PPP1R3A: variants seen among roughly 807,000 people sequenced by gnomAD.
PPP1R3A encodes protein phosphatase 1 regulatory subunit 3A, also known as RG1.
Under a neutral mutation model 41.7 loss-of-function variants are expected in PPP1R3A, and 29 were observed. The observed-to-expected ratio is 0.70, with a 90% confidence interval of 0.52 to 0.95. PPP1R3A has a LOEUF of 0.95. Among genes scored for constraint, PPP1R3A ranks in the 40% least tolerant of loss-of-function variants. The pLI is 0.00. For synonymous variants in PPP1R3A, 485 were observed against 453.4 expected, an observed-to-expected ratio of 1.07 and a Z score of -0.89; for missense variants, 1,352 against 1,292.4, an observed-to-expected ratio of 1.05 and a Z score of -0.71.
Position 113,878,556 on chromosome 7 carries a change from C to T in PPP1R3A, c.2536G>A (p.Glu846Lys), listed in dbSNP as rs750417326. ...TCTGTAATGACCCATGAGGATTCTT[C>T]CACAGATGTTATATTTCCAGTGCCA... ...KCGTGNITSV[E>K]ESSWVITEYQ... Residue 846 changes from glutamate to lysine, a missense_variant, in exon 4 of 4, where the codon GAA becomes AAA. Coordinates refer to ENST00000284601, the MANE Select transcript of PPP1R3A (RefSeq NM_002711.4). The T allele has an allele frequency of 6.2e-7, 1 of 1,613,596 alleles. No homozygotes were observed. The highest frequency in any genetic ancestry group is 1.1e-5 in the South Asian group (1 of 91,076).
At chr7:113,899,418 CT>C (rs1391998209) in intron 1 of PPP1R3A, among the ~76,000 whole-genome samples, 1 of 151,772 alleles carries the variant, frequency 6.6e-6, no homozygotes, top group Non-Finnish European at 1.5e-5. Context: ...AGCAAAGTAT[CT>C]TTAATAAATA....
intron 1 of PPP1R3A, among the ~76,000 whole-genome samples, chr7:113,903,035 AT>A: frequency 1.3e-5 from 2 of 151,658 alleles, no homozygotes; most frequent in Middle Eastern, 6.8e-3. Flanking sequence ...ATATTTGTAT[AT>A]TTTTTTCTTT....
Position 113,878,647 on chromosome 7 carries a change from A to G in PPP1R3A, c.2445T>C (p.Asp815=), listed in dbSNP as rs773944306. ...ACATGGTTTCTTCCTTCTCCATTTCATCTACACGTACATTACAAATACCTA... is the reference window on the plus strand; with the variant it reads ...ACATGGTTTCTTCCTTCTCCATTTCGTCTACACGTACATTACAAATACCTA... The part of the protein sequence containing the change: ...SRLGICNVRV[D]EMEKEETMSM... The change falls in exon 4 of 4, where the codon GAT becomes GAC. Residue 815 remains aspartate, a synonymous_variant. Coordinates refer to ENST00000284601, the MANE Select transcript of PPP1R3A (RefSeq NM_002711.4). 1.2e-5 allele frequency: 19 copies of G among 1,613,248 alleles called. No individual in the cohort carries two copies. In the East Asian group the frequency reaches 2.9e-4, roughly 25 times the overall value.
chr7:113,905,659 T>C (rs1797133877), intron 1 of PPP1R3A, among the ~76,000 whole-genome samples: 1 of 151,838 alleles, frequency 6.6e-6, no homozygotes, highest in African/African-American at 2.4e-5. Context: ...TGCATTACTC[T>C]CACTGGTTCT....
chr7:113,896,685 A>C (rs907480845), intron 1 of PPP1R3A, among the ~76,000 whole-genome samples: 1 of 151,854 alleles, frequency 6.6e-6, no homozygotes, highest in African/African-American at 2.4e-5. Context: ...CAGATAAAAG[A>C]ATGCAATTAA....
At chr7:113,915,359 T>G (rs892414373) in intron 1 of PPP1R3A, among the ~76,000 whole-genome samples, 2 of 151,978 alleles carry the variant, frequency 1.3e-5, no homozygotes, top group Non-Finnish European at 2.9e-5. Context: ...TTATTGACAC[T>G]TTCAGAAGAT....
intron 1 of PPP1R3A, among the ~76,000 whole-genome samples, chr7:113,908,217 G>C (rs1321658288): frequency 2.0e-5 from 3 of 151,820 alleles, no homozygotes; most frequent in African/African-American, 7.2e-5. Context: ...AGATATTACC[G>C]ATATAGAAAA....
intron 1 of PPP1R3A, among the ~76,000 whole-genome samples, chr7:113,898,745 T>G (rs1797015647): frequency 6.6e-6 from 1 of 151,792 alleles, no homozygotes; most frequent in Admixed American, 6.6e-5. Context: ...CTAGCCATAC[T>G]TAAAGTGCCT....
intron 1 of PPP1R3A, among the ~76,000 whole-genome samples, chr7:113,888,628 G>T (rs1796828543): frequency 6.6e-6 from 1 of 152,168 alleles, no homozygotes; most frequent in Non-Finnish European, 1.5e-5. Flanking sequence ...TGTTTTATGT[G>T]CTGGGTGACT....
intron 1 of PPP1R3A, among the ~76,000 whole-genome samples, chr7:113,896,453 A>G (rs780427284): frequency 2.6e-5 from 4 of 151,878 alleles, no homozygotes; most frequent in Non-Finnish European, 2.9e-5. Context: ...CGTTTTGACT[A>G]AACCAGTCGA....
At chr7:113,894,262 G>C (rs548486926) in intron 1 of PPP1R3A, among the ~76,000 whole-genome samples, 1 of 152,054 alleles carries the variant, frequency 6.6e-6, no homozygotes, top group Non-Finnish European at 1.5e-5. Flanking sequence ...AGCTGAAGAA[G>C]ACTTACAGAT....
At chr7:113,895,115 T>C (rs994476234) in intron 1 of PPP1R3A, among the ~76,000 whole-genome samples, 1 of 151,894 alleles carries the variant, frequency 6.6e-6, no homozygotes, top group African/African-American at 2.4e-5. Context: ...AGATGGGATG[T>C]TTTCATGTGG....
Position 113,879,585 on chromosome 7 carries a change from C to G in PPP1R3A, c.1507G>C (p.Glu503Gln), listed in dbSNP as rs779452701. ...TAATAATCTTCCTTAGAAGATCCTT[C>G]TTCTGTTGATTCTTTGAGACATGCC... Reference protein sequence around the residue: ...TSACLKESTEEGSSKEDYYGN... With the variant: ...TSACLKESTEQGSSKEDYYGN... The change falls in exon 4 of 4, where the codon GAA becomes CAA. Residue 503 changes from glutamate (E) to glutamine (Q), a missense_variant. Coordinates refer to ENST00000284601, the MANE Select transcript of PPP1R3A (RefSeq NM_002711.4). 1.2e-6 allele frequency: 2 copies of G among 1,613,060 alleles called. No homozygotes were observed. The highest frequency in any genetic ancestry group is 3.3e-5 in the Admixed American group (2 of 59,826).
intron 1 of PPP1R3A, among the ~76,000 whole-genome samples, chr7:113,898,493 A>G (rs925743876): frequency 2.6e-5 from 4 of 151,742 alleles, no homozygotes; most frequent in African/African-American, 9.7e-5. Context: ...GTCCAACAAA[A>G]ACAACTAAAA....
chr7:113,899,528 A>G (rs1020938526), intron 1 of PPP1R3A, among the ~76,000 whole-genome samples: 1 of 151,674 alleles, frequency 6.6e-6, no homozygotes, highest in East Asian at 1.9e-4. Context: ...TGTTATTTGG[A>G]TTTACTAATT....
Position 113,878,975 on chromosome 7 carries a change from T to G in PPP1R3A, c.2117A>C (p.Gln706Pro), listed in dbSNP as rs1298495565. 1.7e-5 allele frequency: 27 copies of G among 1,613,226 alleles called. No individual in the cohort carries two copies. The Admixed American group carries it at 3.0e-4, about 18-fold the overall frequency. ...AGACAGTTCACAGCACACTGTTTCT[T>G]GGCAGGTAAACAATTCTTCTGTAGT... Reference protein sequence around the residue: ...KATTEELFTCQETVCCELSSL... With the variant: ...KATTEELFTCPETVCCELSSL... Residue 706 changes from glutamine (Q) to proline (P), a missense_variant, in exon 4 of 4, where the codon CAA becomes CCA. By Grantham distance (76) the Gln-to-Pro change is moderately conservative. Coordinates refer to ENST00000284601, the MANE Select transcript of PPP1R3A (RefSeq NM_002711.4).
chr7:113,918,072 CTTG>C (rs1562928112), intron 1 of PPP1R3A, 140 bp downstream of exon 1: 9 of 776,674 alleles, frequency 1.2e-5, no homozygotes, highest in Non-Finnish European at 1.8e-5. Flanking sequence ...TAGCTTTGAC[CTTG>C]TTAAAGCCTG....
At chr7:113,917,833 T>C (rs1323605548) in intron 1 of PPP1R3A, among the ~76,000 whole-genome samples, 2 of 152,082 alleles carry the variant, frequency 1.3e-5, no homozygotes, top group Non-Finnish European at 2.9e-5. Context: ...ATCAAAACTG[T>C]TTCAAAGGAA....
intron 1 of PPP1R3A, among the ~76,000 whole-genome samples, chr7:113,911,232 G>A (rs1797239197): frequency 6.6e-6 from 1 of 151,900 alleles, no homozygotes; most frequent in African/African-American, 2.4e-5. Context: ...CATGATTAAG[G>A]CTTCAAAACC....
Sources: gnomAD v4.1 joint callset for allele counts (sites outside exome capture counted in the v4.1 genomes callset) on GRCh38, gnomAD v4.1.1 for gene constraint, MANE v1.5 for transcripts, NCBI Gene and HGNC (gene_info 2026-07-23, HGNC 2026-07-21) for gene names.